The following GALNT17 variants were observed in gnomAD, a reference collection of about 807,000 sequenced individuals.
GALNT17 encodes the protein polypeptide N-acetylgalactosaminyltransferase 17, also known as UDP-GalNAc:polypeptide N-acetylgalactosaminyltransferase-like 3.
In GALNT17, 29 loss-of-function variants were observed where a neutral mutation model predicts 63.7. The observed-to-expected ratio is 0.46, with a 90% CI of 0.34 to 0.62. The LOEUF (loss-of-function observed/expected upper bound fraction) is 0.62. Ranked by LOEUF, GALNT17 falls within the 20% of genes least tolerant of loss-of-function variation. The pLI is 0.01. For missense variants in GALNT17, 603 were observed against 799.6 expected, an observed-to-expected ratio of 0.75 and a Z score of 2.97; for synonymous variants, 305 against 318.3, an observed-to-expected ratio of 0.96 and a Z score of 0.45.
At chr7:71,468,360 A>C (rs1328425351) in intron 5 of GALNT17, among the ~76,000 whole-genome samples, 1 of 150,998 alleles carries the variant, frequency 6.6e-6, no homozygotes, top group Non-Finnish European at 1.5e-5. Flanking sequence ...ATGATAGATG[A>C]GATTGCCCAA....
chr7:71,545,597 C>G (rs1029720491), intron 5 of GALNT17, among the ~76,000 whole-genome samples: 2 of 152,174 alleles, frequency 1.3e-5, no homozygotes, highest in African/African-American at 2.4e-5. Context: ...AGCGATCCAC[C>G]TGCTTTGGCC....
chr7:71,658,198 C>T (rs1298114790), intron 6 of GALNT17, among the ~76,000 whole-genome samples: 3 of 152,138 alleles, frequency 2.0e-5, no homozygotes, highest in Non-Finnish European at 2.9e-5. Flanking sequence ...TATGCCACTG[C>T]GCTGGGCCTA....
intron 6 of GALNT17, among the ~76,000 whole-genome samples, chr7:71,661,721 G>A (rs1790910140): frequency 6.6e-6 from 1 of 152,162 alleles, no homozygotes; most frequent in Non-Finnish European, 1.5e-5. Context: ...GGACCCCACA[G>A]CAGGGCATAC....
In GALNT17 at chr7:71,137,647, A is replaced by G. The variant is rs577419897; in HGVS notation, c.238+4607A>G. 9.5e-4 allele frequency among the ~76,000 whole-genome samples: 145 copies of G among 152,282 alleles called. 2 individuals are homozygous for G. Among genetic ancestry groups the G allele is most frequent in the African/African-American group, 3.3e-3 (139 of 41,562 alleles). On this transcript the variant is annotated intron_variant, in intron 1 of 10. Coordinates refer to ENST00000333538, the MANE Select transcript of GALNT17 (RefSeq NM_022479.3). ...GGGTGGGGGCTGGGAGGACTCAGCT[A>G]GAGAGACAGTGTGAGGAAGCCATCT...
chr7:71,271,286 C>T (rs1468503662), intron 1 of GALNT17, among the ~76,000 whole-genome samples: 1 of 152,214 alleles, frequency 6.6e-6, no homozygotes, highest in East Asian at 1.9e-4. Flanking sequence ...CCTTCCAGTG[C>T]AAGAAATGAT....
intron 1 of GALNT17, among the ~76,000 whole-genome samples, chr7:71,186,843 A>T (rs1788859738): frequency 6.6e-6 from 1 of 152,220 alleles, no homozygotes; most frequent in African/African-American, 2.4e-5. Context: ...ATTTTCCCTA[A>T]GGCGAGAAAG....
At chr7:71,355,504 A>C (rs1792266922) in intron 2 of GALNT17, among the ~76,000 whole-genome samples, 1 of 151,686 alleles carries the variant, frequency 6.6e-6, no homozygotes, top group South Asian at 2.1e-4. Context: ...ATTATTAATA[A>C]TTTTAAATTT....
chr7:71,455,203 C>T (rs1787332675), intron 5 of GALNT17, among the ~76,000 whole-genome samples: 1 of 150,866 alleles, frequency 6.6e-6, no homozygotes, highest in Non-Finnish European at 1.5e-5. Context: ...GTCAGTTGTT[C>T]ATGTTGAAAC....
chr7:71,264,463 C>T (rs532485630), intron 1 of GALNT17, among the ~76,000 whole-genome samples: 2 of 152,134 alleles, frequency 1.3e-5, no homozygotes, highest in African/African-American at 4.8e-5. Flanking sequence ...ATACCCTCCA[C>T]AATCCTAGTG....
intron 5 of GALNT17, among the ~76,000 whole-genome samples, chr7:71,551,969 G>T (rs1046643791): frequency 2.6e-4 from 39 of 152,132 alleles, no homozygotes; most frequent in African/African-American, 9.4e-4. Context: ...AAGTGAGCTT[G>T]CAGTTTGGGA....
chr7:71,496,679 G>A (rs1311429464), intron 5 of GALNT17, among the ~76,000 whole-genome samples: 1 of 152,058 alleles, frequency 6.6e-6, no homozygotes, highest in African/African-American at 2.4e-5. Context: ...GCCCCCAGCT[G>A]CCCTGAGGAA....
intron 5 of GALNT17, among the ~76,000 whole-genome samples, chr7:71,557,848 G>A (rs748755493): frequency 7.9e-5 from 12 of 151,898 alleles, no homozygotes; most frequent in Non-Finnish European, 1.3e-4. Context: ...CAAAGCAGGC[G>A]GATCACTTGA....
At chr7:71,505,791 T>C (rs2116712490) in intron 5 of GALNT17, among the ~76,000 whole-genome samples, 1 of 152,340 alleles carries the variant, frequency 6.6e-6, no homozygotes, top group African/African-American at 2.4e-5. Context: ...TCTTTATAAG[T>C]GCCTCCCCTC....
At chr7:71,487,461 G>C (rs1008314705) in intron 5 of GALNT17, among the ~76,000 whole-genome samples, 3 of 152,120 alleles carry the variant, frequency 2.0e-5, no homozygotes, top group Non-Finnish European at 4.4e-5. Flanking sequence ...GAATAGTTGA[G>C]AGTTAAACAC....
chr7:71,149,071 T>C (rs1788084429), intron 1 of GALNT17, among the ~76,000 whole-genome samples: 1 of 151,698 alleles, frequency 6.6e-6, no homozygotes, highest in Non-Finnish European at 1.5e-5. Flanking sequence ...CGTGCCAACA[T>C]GCCCTGCTAA....
At chr7:71,594,968 C>T (rs971057175) in intron 6 of GALNT17, among the ~76,000 whole-genome samples, 1 of 152,126 alleles carries the variant, frequency 6.6e-6, no homozygotes, top group Non-Finnish European at 1.5e-5. Context: ...GTCATTAGGG[C>T]TGGCCCTAAT....
At chr7:71,150,745 C>T (rs550095113) in intron 1 of GALNT17, among the ~76,000 whole-genome samples, 90 of 151,948 alleles carry the variant, frequency 5.9e-4, no homozygotes, top group African/African-American at 2.1e-3. Flanking sequence ...CTCCTGACCT[C>T]GTGATCCGCC....
chr7:71,163,615 A>G (rs1788386824), intron 1 of GALNT17, among the ~76,000 whole-genome samples: 1 of 152,216 alleles, frequency 6.6e-6, no homozygotes, highest in Non-Finnish European at 1.5e-5. Context: ...TTCCTGTGGC[A>G]GATGGTGAAA....
intron 5 of GALNT17, among the ~76,000 whole-genome samples, chr7:71,442,202 T>G (rs927306722): frequency 6.6e-6 from 1 of 152,092 alleles, no homozygotes; most frequent in African/African-American, 2.4e-5. Flanking sequence ...TTTTTTTTGT[T>G]TTGTTTTGTT....
Sources: allele counts gnomAD v4.1 joint callset (sites outside exome capture counted in the v4.1 genomes callset), GRCh38; gene constraint gnomAD v4.1.1; transcripts MANE v1.5; gene names NCBI Gene and HGNC (gene_info 2026-07-23, HGNC 2026-07-21).